The following RHOBTB3 variants were observed in gnomAD, a reference collection of about 807,000 sequenced individuals.
The protein encoded by RHOBTB3 is rho-related BTB domain-containing protein 3.
In RHOBTB3, 47 loss-of-function variants were observed where a neutral mutation model predicts 67.2. That is an observed-to-expected ratio of 0.70 (90% confidence interval 0.55 to 0.89). The LOEUF is 0.89. Ranked by LOEUF, RHOBTB3 falls within the 40% of genes least tolerant of loss-of-function variation. RHOBTB3 has a pLI of 0.00. For synonymous variants in RHOBTB3, 273 were observed against 274.2 expected (o/e 1.00, Z 0.04); for missense variants, 631 against 750.0 (o/e 0.84, Z 1.85).
In RHOBTB3 at chr5:95,744,433, A is replaced by G. The variant is rs140694510; in HGVS notation, c.416-3900A>G. Among the ~76,000 whole-genome samples, 3 of 152,148 alleles carry G rather than the reference A, an allele frequency of 2.0e-5. No homozygotes were observed. In the East Asian group the frequency reaches 5.8e-4, roughly 29 times the overall value. On this transcript the variant is annotated intron_variant, in intron 3 of 11. Coordinates refer to ENST00000379982, the MANE Select transcript of RHOBTB3 (RefSeq NM_014899.4). ...ATTATAACTGTTTGCAGTCATGTCT[A>G]TCTTCTCTCAGTTGACTATGAGTTT...
At chr5:95,730,918 C>G (rs1444105554), upstream of RHOBTB3, 1 of 458,364 alleles carries the variant, frequency 2.2e-6, no homozygotes, top group Admixed American at 2.4e-5. Flanking sequence ...TCGGTCAAGG[C>G]CAAGAGGGGG....
At chr5:95,752,954 A>G (rs1745132139) in intron 5 of RHOBTB3, among the ~76,000 whole-genome samples, 1 of 151,846 alleles carries the variant, frequency 6.6e-6, no homozygotes, top group Admixed American at 6.6e-5. Context: ...ACACGGTGAA[A>G]CCCCGTCTCC....
At chr5:95,740,033 T>A (rs557495170) in intron 3 of RHOBTB3, among the ~76,000 whole-genome samples, 26 of 152,308 alleles carry the variant, frequency 1.7e-4, no homozygotes, top group Non-Finnish European at 3.1e-4. Context: ...GGTTGAATCA[T>A]GGGAGCGGGT....
chr5:95,734,292 A>AT (rs112670036), intron 2 of RHOBTB3, among the ~76,000 whole-genome samples: 6,698 of 149,560 alleles, frequency 0.045, 489 homozygotes, highest in African/African-American at 0.15. Flanking sequence ...AGAAATTCAG[A>AT]TTTTTTTTTT....
At chr5:95,759,983 C>G (rs1292422843) in intron 6 of RHOBTB3, among the ~76,000 whole-genome samples, 1 of 150,992 alleles carries the variant, frequency 6.6e-6, no homozygotes, top group Admixed American at 6.6e-5. Context: ...CAAAGAATAT[C>G]TTAATTCTTT....
At chr5:95,726,581 C>G (rs375478783), upstream of RHOBTB3, among the ~76,000 whole-genome samples, 7 of 152,112 alleles carry the variant, frequency 4.6e-5, no homozygotes, top group East Asian at 9.6e-4. Flanking sequence ...TCTTTATAAT[C>G]CATTATTTTG....
intron 9 of RHOBTB3, among the ~76,000 whole-genome samples, chr5:95,780,694 T>C (rs1356039257): frequency 2.0e-5 from 3 of 152,268 alleles, no homozygotes; most frequent in Non-Finnish European, 4.4e-5. Flanking sequence ...GGGATCACTG[T>C]AGGCAACTAG....
intron 3 of RHOBTB3, among the ~76,000 whole-genome samples, chr5:95,739,154 A>G (rs1047062717): frequency 2.6e-5 from 4 of 152,158 alleles, no homozygotes; most frequent in African/African-American, 9.7e-5. Context: ...CCTCTGGCCA[A>G]ATTTCCTGTC....
chr5:95,763,390 T>C, intron 6 of RHOBTB3, 118 bp from the exon 7 acceptor site: 1 of 642,718 alleles, frequency 1.6e-6, no homozygotes, highest in South Asian at 2.0e-5. Flanking sequence ...TAAGGATGTA[T>C]ATCTGGTAAA....
At chr5:95,786,894 G>A (rs1561457509) in intron 10 of RHOBTB3, among the ~76,000 whole-genome samples, 1 of 152,094 alleles carries the variant, frequency 6.6e-6, no homozygotes, top group African/African-American at 2.4e-5. Context: ...CTGTTACAGA[G>A]TCCCTAGACT....
At chr5:95,763,685 G>T (rs1048783655) in intron 7 of RHOBTB3, 65 bp downstream of exon 7, 2 of 914,174 alleles carry the variant, frequency 2.2e-6, no homozygotes, top group African/African-American at 3.3e-5. Flanking sequence ...ATACTATGAT[G>T]AATATAAAAT....
intron 5 of RHOBTB3, among the ~76,000 whole-genome samples, chr5:95,752,760 T>A (rs1218521931): frequency 1.3e-5 from 2 of 152,228 alleles, no homozygotes; most frequent in African/African-American, 4.8e-5. Flanking sequence ...TTATATCATG[T>A]AATTACTGTT....
At chr5:95,770,319 G>T in intron 8 of RHOBTB3, 1 of 280,792 alleles carries the variant, frequency 3.6e-6, no homozygotes, top group South Asian at 5.0e-5. Context: ...ACATCATTCT[G>T]GGATGGGGTT....
intron 4 of RHOBTB3, chr5:95,751,441 A>G (rs1366892029): frequency 6.6e-6 from 1 of 151,620 alleles, no homozygotes; most frequent in Admixed American, 6.6e-5. Context: ...TAGCTTGAGC[A>G]ACATAGTGAT....
At chr5:95,748,940 G>A (rs1745007277) in intron 4 of RHOBTB3, among the ~76,000 whole-genome samples, 1 of 152,134 alleles carries the variant, frequency 6.6e-6, no homozygotes, top group Non-Finnish European at 1.5e-5. Context: ...TAATCTTGTT[G>A]TGGCTCAAAC....
intron 3 of RHOBTB3, among the ~76,000 whole-genome samples, chr5:95,741,142 C>CA (rs755068204): frequency 2.6e-5 from 4 of 152,000 alleles, no homozygotes; most frequent in South Asian, 2.1e-4. Context: ...TCCTGGCTAA[C>CA]ACGGTGAAAC....
chr5:95,731,996 C>G lies in RHOBTB3; in HGVS notation c.140C>G (p.Ala47Gly). 2 of 1,614,172 alleles carry G rather than the reference C, an allele frequency of 1.2e-6. No individual in the cohort carries two copies. Among genetic ancestry groups the G allele is most frequent in the Non-Finnish European group, 1.7e-6 (2 of 1,180,042 alleles). ...GAGAGCAGCTTGTTGCTGAACGCGG[C>G]CAGCACGGTCGCGCGTCCGGTGTTC... ...GDESSLLLNA[A>G]STVARPVFTE... Residue 47 changes from alanine to glycine, a missense_variant, in exon 2 of 12, where the codon GCC becomes GGC. Coordinates refer to ENST00000379982, the MANE Select transcript of RHOBTB3 (RefSeq NM_014899.4).
At position 95,793,320 on chromosome 5, in the gene RHOBTB3, G is replaced by GAAAAAAAAAA; in HGVS notation, c.*153_*154insAAAAAAAAAA. On this transcript the variant is annotated 3_prime_UTR_variant, in exon 12 of 12. Coordinates refer to ENST00000379982, the MANE Select transcript of RHOBTB3 (RefSeq NM_014899.4). ...TTAATATGTTTATTAGTTCTCTTTG[G>GAAAAAAAAAA]AAAAAAACTACCACTGTGGTCTTAA... 1.9e-6 allele frequency: 1 copy of GAAAAAAAAAA among 518,646 alleles called. No homozygotes were observed. The highest frequency in any genetic ancestry group is 3.4e-6 in the Non-Finnish European group (1 of 295,090). 32.1% of individuals were successfully genotyped at this position (518,646 alleles called of 1,614,324 possible).
intron 6 of RHOBTB3, among the ~76,000 whole-genome samples, chr5:95,762,207 A>G (rs181612010): frequency 3.3e-5 from 5 of 152,352 alleles, no homozygotes; most frequent in Admixed American, 3.3e-4. Context: ...CTCCCCCAGG[A>G]GACACTGTAA....
Sources: allele counts gnomAD v4.1 joint callset (sites outside exome capture counted in the v4.1 genomes callset), GRCh38; gene constraint gnomAD v4.1.1; transcripts MANE v1.5; gene names NCBI Gene and HGNC (gene_info 2026-07-23, HGNC 2026-07-21).